Variants in PKHD1 observed in about 807,000 individuals in gnomAD.
The protein encoded by PKHD1 is fibrocystin.
In PKHD1, 291 loss-of-function variants were observed where a neutral mutation model predicts 412.0. The observed-to-expected ratio is 0.71, with a 90% CI of 0.64 to 0.78. The LOEUF is 0.78. Ranked by LOEUF, PKHD1 falls within the 30% of genes least tolerant of loss-of-function variation. PKHD1 has a pLI of 0.00. For missense variants in PKHD1, 4,825 were observed against 4,950.7 expected, an observed-to-expected ratio of 0.97 and a Z score of 0.76; for synonymous variants, 1,777 against 1,821.5, an observed-to-expected ratio of 0.98 and a Z score of 0.62.
At chr6:51,635,876 C>CGGGGGGGGGTTTTGGGGGGGGGGG (rs1581768607) in intron 64 of PKHD1, among the ~76,000 whole-genome samples, 1 of 41,506 alleles carries the variant, frequency 2.4e-5, no homozygotes, top group Non-Finnish European at 5.3e-5. Flanking sequence ...GGCGGGGGGC[C>CGGGGGGGGGTTTTGGGGGGGGGGG]GGGGGCGGAT....
intron 43 of PKHD1, among the ~76,000 whole-genome samples, chr6:51,899,994 A>ACC (rs904506022): frequency 1.6e-4 from 24 of 152,026 alleles, no homozygotes; most frequent in African/African-American, 4.6e-4. Flanking sequence ...AGAACTACAA[A>ACC]CCACTGCTCA....
chr6:51,919,197 C>A (rs1403977436), intron 37 of PKHD1, among the ~76,000 whole-genome samples: 1 of 152,158 alleles, frequency 6.6e-6, no homozygotes, highest in East Asian at 1.9e-4. Context: ...TCATGAAGTC[C>A]TTGCCCATGC....
At chr6:52,037,235 T>C (rs183272350) in intron 27 of PKHD1, among the ~76,000 whole-genome samples, 148 of 152,220 alleles carry the variant, frequency 9.7e-4, no homozygotes, top group Admixed American at 1.6e-3. Context: ...ATTCCCAATT[T>C]ATCAAATATT....
At chr6:52,081,574 AT>A (rs779959492) in intron 4 of PKHD1, among the ~76,000 whole-genome samples, 1 of 141,744 alleles carries the variant, frequency 7.1e-6, no homozygotes, top group African/African-American at 2.6e-5. Context: ...AAAAAAAAAA[AT>A]CCCTTCGGGG....
intron 11 of PKHD1, among the ~76,000 whole-genome samples, chr6:52,066,458 G>C (rs1175876451): frequency 6.6e-6 from 1 of 152,172 alleles, no homozygotes; most frequent in Non-Finnish European, 1.5e-5. Context: ...AAAGGCTTCA[G>C]TTCACCCATA....
At chr6:51,989,907 GGAAGGAAGGAAGGAAGGAAGGAAGGAAA>G in intron 35 of PKHD1, among the ~76,000 whole-genome samples, 2 of 71,706 alleles carry the variant, frequency 2.8e-5, no homozygotes, top group Admixed American at 1.4e-4. Flanking sequence ...GAGGGAGGAA[GGAAGGAAGGAAGGAAGGAAGGAAGGAAA>G]GAAGGAAGGA....
At chr6:51,921,377 A>G (rs1231422855) in intron 37 of PKHD1, among the ~76,000 whole-genome samples, 1 of 151,920 alleles carries the variant, frequency 6.6e-6, no homozygotes, top group Non-Finnish European at 1.5e-5. Context: ...CTTCATTTCA[A>G]CTTTGGTGAA....
intron 36 of PKHD1, among the ~76,000 whole-genome samples, chr6:51,940,038 T>G (rs1431269007): frequency 6.6e-6 from 1 of 151,408 alleles, no homozygotes; most frequent in African/African-American, 2.4e-5. Flanking sequence ...TTATCTGACC[T>G]CTCCCAAAAT....
intron 60 of PKHD1, among the ~76,000 whole-genome samples, chr6:51,723,742 A>T (rs1256127303): frequency 6.6e-6 from 1 of 152,164 alleles, no homozygotes; most frequent in Non-Finnish European, 1.5e-5. Context: ...GCGAAAGAAA[A>T]CATCTTAAAT....
chr6:51,647,017 T>C (rs1216707580), intron 63 of PKHD1, among the ~76,000 whole-genome samples: 1 of 152,174 alleles, frequency 6.6e-6, no homozygotes, highest in Non-Finnish European at 1.5e-5. Flanking sequence ...GAGTCCTCTG[T>C]TGACTGTCTG....
chr6:51,760,594 A>G (rs901795749), intron 55 of PKHD1, among the ~76,000 whole-genome samples: 13 of 152,116 alleles, frequency 8.5e-5, no homozygotes, highest in African/African-American at 3.1e-4. Flanking sequence ...CTCTTATTTC[A>G]TTTATTAGGT....
At position 51,824,694 on chromosome 6, in the gene PKHD1, G is replaced by A. The variant is rs116522044; in HGVS notation, c.8302+6167C>T. ...AAGAAGGTCAAAGGAAAGTTCAACT[G>A]TTGTCTCCCTGGATCTTTAATGTCT... On this transcript the variant is annotated intron_variant, in intron 52 of 66. Transcript: ENST00000371117. 8.7e-4 allele frequency among the ~76,000 whole-genome samples: 132 copies of A among 152,272 alleles called. 2 individuals carry two copies. Among genetic ancestry groups the A allele is most frequent in the African/African-American group, 2.9e-3 (119 of 41,540 alleles).
rs1270680534 is a variant in PKHD1, at chr6:52,024,906, G to A, written c.4904C>T (p.Ala1635Val). 4 of 1,614,002 alleles carry A rather than the reference G, an allele frequency of 2.5e-6. No individual in the cohort carries two copies. The Admixed American group carries it at 5.0e-5, about 20-fold the overall frequency. ...CIVPTGNGSVALEIEVDGLWY... is the reference protein window; with the variant it reads ...CIVPTGNGSVVLEIEVDGLWY... ...AAGTCCATCTACCTCTATTTCCAGG[G>A]CAACAGAGCCATTCCCTGTGGGAAC... The change falls in exon 32 of 67, where the codon GCC becomes GTC. Residue 1635 changes from alanine (A) to valine (V), a missense_variant. Physicochemically the swap from Ala to Val is moderately conservative, Grantham distance 64. Transcript: ENST00000371117.
chr6:52,085,504 C>A (rs1230662684), intron 1 of PKHD1, among the ~76,000 whole-genome samples: 1 of 152,120 alleles, frequency 6.6e-6, no homozygotes, highest in Non-Finnish European at 1.5e-5. Context: ...ATGCCCTCAA[C>A]TCTCTCCGTG....
At chr6:51,808,723 TATCTTC>T (rs1764223629) in intron 52 of PKHD1, among the ~76,000 whole-genome samples, 1 of 152,186 alleles carries the variant, frequency 6.6e-6, no homozygotes, top group Admixed American at 6.5e-5. Flanking sequence ...TTTCTCATTT[TATCTTC>T]ATATTTGCAA....
chr6:51,729,845 T>C (rs1238249873), intron 60 of PKHD1, among the ~76,000 whole-genome samples: 1 of 152,114 alleles, frequency 6.6e-6, no homozygotes, highest in Admixed American at 6.6e-5. Context: ...TAATAATCAT[T>C]TGAGTACATA....
Position 52,082,438 on chromosome 6 carries a change from C to A in PKHD1, c.235G>T (p.Val79Phe). The A allele has an allele frequency of 3.7e-6, 6 of 1,614,096 alleles. No individual in the cohort carries two copies. The highest frequency in any genetic ancestry group is 5.1e-6 in the Non-Finnish European group (6 of 1,179,986). ...GGCAAATCCAAGAAAACAGGAAAGA[C>A]GTCACAGGGAACACTCCGCAGTGCG... ...VPALRSVPCD[V>F]FPVFLDLPVV... Residue 79 changes from valine to phenylalanine, a missense_variant, in exon 4 of 67, where the codon GTC becomes TTC. Val to Phe is a conservative substitution (Grantham distance 50, BLOSUM62 -1). Transcript: ENST00000371117.
At chr6:51,708,596 C>T (rs1780280852) in intron 60 of PKHD1, among the ~76,000 whole-genome samples, 1 of 152,174 alleles carries the variant, frequency 6.6e-6, no homozygotes, top group Non-Finnish European at 1.5e-5. Context: ...CATTCTCCAG[C>T]CAGGTTGGAC....
intron 25 of PKHD1, 118 bp downstream of exon 25, chr6:52,044,848 T>C: frequency 1.8e-6 from 2 of 1,119,676 alleles, no homozygotes; most frequent in Non-Finnish European, 2.7e-6. Flanking sequence ...ACCCCTGTTT[T>C]ACACATTGGC....
Sources: allele counts gnomAD v4.1 joint callset (sites outside exome capture counted in the v4.1 genomes callset), GRCh38; gene constraint gnomAD v4.1.1; transcripts MANE v1.5; gene names NCBI Gene and HGNC (gene_info 2026-07-23, HGNC 2026-07-21).